Variants in NCOA1 observed in about 807,000 individuals in gnomAD.
NCOA1 encodes the protein nuclear receptor coactivator 1, also known as Hin-2 protein.
A neutral mutation model predicts 150.9 loss-of-function variants in NCOA1; 35 were observed. The observed-to-expected ratio is 0.23, with a 90% CI of 0.18 to 0.31. NCOA1 has a LOEUF of 0.31. NCOA1 is among the 10% of genes least tolerant of loss of function. The pLI, the probability that NCOA1 is intolerant of heterozygous loss-of-function variation, is 1.00. For missense variants in NCOA1, 1,491 were observed against 1,749.3 expected, an observed-to-expected ratio of 0.85 and a Z score of 2.63; for synonymous variants, 590 against 630.0, an observed-to-expected ratio of 0.94 and a Z score of 0.95.
chr2:24,534,816 G>A (rs1191496910), intron 1 of NCOA1, among the ~76,000 whole-genome samples: 1 of 152,186 alleles, frequency 6.6e-6, no homozygotes, highest in Non-Finnish European at 1.5e-5. Flanking sequence ...CTGAGAGACA[G>A]TTTGTTGTGA....
At chr2:24,556,688 A>T (rs1311042952) in intron 1 of NCOA1, among the ~76,000 whole-genome samples, 2 of 152,188 alleles carry the variant, frequency 1.3e-5, no homozygotes, top group Non-Finnish European at 2.9e-5. Context: ...ATACCATCTC[A>T]TGCCAGTCAG....
chr2:24,528,869 C>T (rs1293001276), intron 1 of NCOA1, among the ~76,000 whole-genome samples: 1 of 152,010 alleles, frequency 6.6e-6, no homozygotes, highest in African/African-American at 2.4e-5. Context: ...GTGTTATCAA[C>T]AGATATGATG....
intron 4 of NCOA1, 71 bp downstream of exon 4, chr2:24,644,193 T>G (rs1170248386): frequency 1.3e-5 from 2 of 152,232 alleles, no homozygotes; most frequent in African/African-American, 4.8e-5. Context: ...GATTACCTGT[T>G]GACTGTTATC....
chr2:24,556,190 C>T (rs1442662527), intron 1 of NCOA1: 1 of 152,184 alleles, frequency 6.6e-6, no homozygotes, highest in African/African-American at 2.4e-5. Context: ...GTATTCCCCT[C>T]CCTATGTCCA....
At chr2:24,495,100 TTTG>T (rs1337197742) in intron 1 of NCOA1, among the ~76,000 whole-genome samples, 54 of 141,250 alleles carry the variant, frequency 3.8e-4, no homozygotes, top group African/African-American at 1.0e-3. Context: ...GTGTTTTTTT[TTTG>T]TTTTTTTTTT....
chr2:24,544,325 T>A, intron 1 of NCOA1, among the ~76,000 whole-genome samples: 1 of 152,154 alleles, frequency 6.6e-6, no homozygotes, highest in East Asian at 1.9e-4. Flanking sequence ...GGGTTGGAGA[T>A]ACTGATTTGG....
At chr2:24,697,859 T>C in intron 11 of NCOA1, 61 bp downstream of exon 11, 1 of 1,504,214 alleles carries the variant, frequency 6.6e-7, no homozygotes, top group Non-Finnish European at 9.1e-7. Context: ...TTTGAATAGT[T>C]CGTATAGAAC....
At chr2:24,735,952 T>C (rs759849900) in intron 17 of NCOA1, among the ~76,000 whole-genome samples, 21 of 152,190 alleles carry the variant, frequency 1.4e-4, no homozygotes, top group Non-Finnish European at 2.8e-4. Context: ...CTGGGCACAG[T>C]GGCTCATGCC....
chr2:24,759,193 A>G (rs531342521), intron 21 of NCOA1, among the ~76,000 whole-genome samples: 15 of 152,370 alleles, frequency 9.8e-5, no homozygotes, highest in Non-Finnish European at 1.8e-4. Context: ...TTTTAATCAT[A>G]GGACAAAACT....
At chr2:24,520,769 A>G (rs1361963915) in intron 1 of NCOA1, among the ~76,000 whole-genome samples, 1 of 152,250 alleles carries the variant, frequency 6.6e-6, no homozygotes, top group African/African-American at 2.4e-5. Context: ...TTATGCCTCA[A>G]AGCTGTTATA....
At chr2:24,512,604 G>T (rs1181609521) in intron 1 of NCOA1, among the ~76,000 whole-genome samples, 3 of 152,150 alleles carry the variant, frequency 2.0e-5, no homozygotes, top group Non-Finnish European at 4.4e-5. Context: ...TCACTTATGT[G>T]CAGAGTGGTG....
intron 3 of NCOA1, among the ~76,000 whole-genome samples, chr2:24,636,343 T>A (rs1194058086): frequency 6.6e-6 from 1 of 151,662 alleles, no homozygotes; most frequent in Non-Finnish European, 1.5e-5. Context: ...GATGCTATTA[T>A]AAATAAAATT....
intron 3 of NCOA1, among the ~76,000 whole-genome samples, chr2:24,587,748 C>G (rs1667476177): frequency 6.6e-6 from 1 of 152,144 alleles, no homozygotes. Flanking sequence ...TAGCTTTCTT[C>G]TTTACAGTAT....
intron 3 of NCOA1, among the ~76,000 whole-genome samples, chr2:24,632,756 A>G (rs2148436121): frequency 6.6e-6 from 1 of 152,376 alleles, no homozygotes; most frequent in Admixed American, 6.5e-5. Context: ...TTATAGGGGT[A>G]TAGGTTAACA....
intron 1 of NCOA1, among the ~76,000 whole-genome samples, chr2:24,529,902 A>G (rs1664807775): frequency 6.6e-6 from 1 of 152,244 alleles, no homozygotes; most frequent in African/African-American, 2.4e-5. Flanking sequence ...GATAAAATAT[A>G]GACATTCTTT....
intron 3 of NCOA1, among the ~76,000 whole-genome samples, chr2:24,599,891 C>T (rs1046878765): frequency 4.0e-5 from 6 of 151,822 alleles, no homozygotes; most frequent in South Asian, 2.1e-4. Flanking sequence ...CCACCACGTC[C>T]GGCAAATTTT....
chr2:24,579,782 G>C (rs1375268531), intron 2 of NCOA1, among the ~76,000 whole-genome samples: 1 of 152,178 alleles, frequency 6.6e-6, no homozygotes, highest in African/African-American at 2.4e-5. Flanking sequence ...CTGCATCCTA[G>C]CAGTAAGAGT....
chr2:24,732,478 T>C (rs1332810023), intron 17 of NCOA1, among the ~76,000 whole-genome samples: 1 of 152,206 alleles, frequency 6.6e-6, no homozygotes. Context: ...TCTTACTGTT[T>C]CAGCACTAGG....
intron 1 of NCOA1, among the ~76,000 whole-genome samples, chr2:24,496,344 C>G (rs1212382335): frequency 6.6e-6 from 1 of 152,154 alleles, no homozygotes; most frequent in African/African-American, 2.4e-5. Context: ...ATGGCATATG[C>G]AGAAATACTT....
Sources: gnomAD v4.1 joint callset for allele counts (sites outside exome capture counted in the v4.1 genomes callset) on GRCh38, gnomAD v4.1.1 for gene constraint, MANE v1.5 for transcripts, NCBI Gene and HGNC (gene_info 2026-07-23, HGNC 2026-07-21) for gene names.